LAMA1: variants seen among roughly 807,000 people sequenced by gnomAD.
The protein encoded by LAMA1 is laminin subunit alpha-1.
A neutral mutation model predicts 348.7 loss-of-function variants in LAMA1; 219 were observed. The observed-to-expected ratio is 0.63, with a 90% CI of 0.56 to 0.70. LAMA1 has a LOEUF of 0.70. Ranked by LOEUF, LAMA1 falls within the 30% of genes least tolerant of loss-of-function variation. The pLI, the probability that LAMA1 is intolerant of heterozygous loss-of-function variation, is 0.00. For missense variants in LAMA1, 3,744 were observed against 3,888.0 expected (o/e 0.96, Z 0.99); for synonymous variants, 1,487 against 1,491.0 (o/e 1.00, Z 0.06).
At chr18:6,953,452 C>T (rs943297499) in intron 57 of LAMA1, among the ~76,000 whole-genome samples, 3 of 152,190 alleles carry the variant, frequency 2.0e-5, no homozygotes, top group South Asian at 4.1e-4. Context: ...GATATGCATG[C>T]ATAGGAAAAC....
chr18:7,105,133 TATC>T (rs1257397772), intron 1 of LAMA1, among the ~76,000 whole-genome samples: 1 of 151,976 alleles, frequency 6.6e-6, no homozygotes, highest in Non-Finnish European at 1.5e-5. Context: ...CATAATGAAT[TATC>T]AATTATTAAA....
chr18:7,054,754 C>G (rs2058074916), intron 3 of LAMA1, among the ~76,000 whole-genome samples: 1 of 152,146 alleles, frequency 6.6e-6, no homozygotes. Context: ...TCTTCCTCCT[C>G]CTCCTCAGCC....
intron 28 of LAMA1, among the ~76,000 whole-genome samples, chr18:7,007,860 T>C (rs2057839715): frequency 6.6e-6 from 1 of 152,078 alleles, no homozygotes; most frequent in Admixed American, 6.6e-5. Context: ...TTGAGGACAT[T>C]ATGCTAAGTG....
chr18:6,996,514 T>C (rs534687468), intron 33 of LAMA1, among the ~76,000 whole-genome samples: 1 of 152,310 alleles, frequency 6.6e-6, no homozygotes, highest in East Asian at 1.9e-4. Flanking sequence ...AGCTCATGCC[T>C]ATAATCCCAG....
rs750113296 is a variant in LAMA1 at position 7,037,716 on chromosome 18, C to G, written c.1599G>C (p.Leu533Phe). 1.2e-6 allele frequency: 2 copies of G among 1,614,170 alleles called. No homozygotes were observed. The highest frequency in any genetic ancestry group is 3.3e-5 in the Admixed American group (2 of 60,016). ...NSMSGWLVTD[L>F]ISPRKIPSQQ... ...GAGACGGGATCTTCCTGGGACTGAT[C>G]AAGTCGGTGACCAGCCACCCGGACA... Residue 533 changes from leucine (L) to phenylalanine (F), a missense_variant, in exon 12 of 63, where the codon TTG (leucine) becomes TTC (phenylalanine). Leu to Phe is a conservative substitution (Grantham distance 22). This residue lies in a region of LAMA1 where 1,529 missense variants were observed against 1,689.4 expected (regional missense o/e 0.91). Coordinates refer to ENST00000389658, the MANE Select transcript of LAMA1 (RefSeq NM_005559.4).
At chr18:6,979,117 G>A (rs1054035489) in intron 42 of LAMA1, among the ~76,000 whole-genome samples, 6 of 151,982 alleles carry the variant, frequency 3.9e-5, no homozygotes, top group Non-Finnish European at 7.4e-5. Context: ...TTTTCTGTAG[G>A]CTCGAAATTA....
At chr18:7,052,809 A>C (rs2058067224) in intron 3 of LAMA1, among the ~76,000 whole-genome samples, 1 of 152,116 alleles carries the variant, frequency 6.6e-6, no homozygotes, top group African/African-American at 2.4e-5. Flanking sequence ...TCATGAGGTC[A>C]GGAGATCGAG....
At chr18:6,999,356 G>T in intron 32 of LAMA1, 89 bp downstream of exon 32, 1 of 1,267,506 alleles carries the variant, frequency 7.9e-7, no homozygotes, top group Non-Finnish European at 1.1e-6. Flanking sequence ...TTTTTATTCT[G>T]CAGACACTTT....
In LAMA1 at chr18:6,978,146, C is replaced by T. The variant is rs371543350; in HGVS notation, c.6190+50G>A. ...ACCACTGTGTGCTTAGCTAGCTCCA[C>T]GTCTGCATGACGCAGACGATCATGA... is the stretch of plus-strand genomic sequence containing the variant. On this transcript the variant is annotated intron_variant, in intron 43 of 62. Transcript: ENST00000389658. 82 of 1,608,390 alleles carry T rather than the reference C, an allele frequency of 5.1e-5. No individual in the cohort carries two copies. In the African/African-American group the frequency reaches 6.7e-4, roughly 13 times the overall value.
intron 1 of LAMA1, among the ~76,000 whole-genome samples, chr18:7,113,487 A>G (rs16951265): frequency 0.05 from 7,547 of 152,296 alleles, 577 homozygotes; most frequent in African/African-American, 0.16. Flanking sequence ...ATGTGGAGTG[A>G]AAAGGGCACA....
intron 25 of LAMA1, among the ~76,000 whole-genome samples, chr18:7,010,927 T>C (rs1405592553): frequency 2.0e-5 from 3 of 152,198 alleles, no homozygotes; most frequent in Admixed American, 2.0e-4. Context: ...TTTCAGTCAA[T>C]GACAAACCAC....
chr18:6,979,768 G>T lies in LAMA1; in HGVS notation c.6007+753C>A, dbSNP rs11081293. On this transcript the variant is annotated intron_variant, in intron 42 of 62. Transcript: ENST00000389658. ...CAAAAAATTAGCCGGGGACGGTGGC[G>T]GGCGCCTGTAGTCCCAGCTACTCGG... Among the ~76,000 whole-genome samples the T allele has an allele frequency of 7.3e-5, 11 of 151,470 alleles. No homozygotes were observed. In the South Asian group the frequency reaches 1.3e-3, roughly 17 times the overall value.
intron 1 of LAMA1, among the ~76,000 whole-genome samples, chr18:7,108,100 G>A (rs779337074): frequency 1.3e-5 from 2 of 151,642 alleles, no homozygotes; most frequent in Non-Finnish European, 2.9e-5. Flanking sequence ...CACTTTGGGA[G>A]GCCAAGGCAG....
rs58813825 is a variant in LAMA1, at chr18:7,115,814, C to CAAAACAAA, written c.61+1845_61+1846insTTTGTTTT. Among the ~76,000 whole-genome samples, 19 of 94,816 alleles carry CAAAACAAA rather than the reference C, an allele frequency of 2.0e-4. 1 individual carries two copies. Among genetic ancestry groups the CAAAACAAA allele is most frequent in the East Asian group, 5.3e-4 (1 of 1,886 alleles). 62.2% of individuals were successfully genotyped at this position (94,816 alleles called of 152,430 possible). ...TGAAACCCTGTCTCCACTAAAAATA[C>CAAAACAAA]AAAAAAAAAAAAAAAAAAATAGCCG... On this transcript the variant is annotated intron_variant, in intron 1 of 62. Transcript: ENST00000389658.
chr18:7,027,157 G>A (rs1027840796), intron 16 of LAMA1, among the ~76,000 whole-genome samples: 3 of 152,024 alleles, frequency 2.0e-5, no homozygotes, highest in East Asian at 1.9e-4. Flanking sequence ...GACATAATTG[G>A]GTCAACTGAC....
intron 3 of LAMA1, among the ~76,000 whole-genome samples, chr18:7,061,831 C>T (rs1286040347): frequency 6.6e-6 from 1 of 152,192 alleles, no homozygotes; most frequent in Non-Finnish European, 1.5e-5. Context: ...TGCTTGTGGA[C>T]CCACCCTGGA....
At chr18:6,993,052 T>C (rs1053697608) in intron 35 of LAMA1, among the ~76,000 whole-genome samples, 3 of 152,360 alleles carry the variant, frequency 2.0e-5, no homozygotes, top group East Asian at 1.9e-4. Flanking sequence ...AAATATTTAC[T>C]GCATAAATAA....
chr18:7,098,408 A>G (rs1300862719), intron 1 of LAMA1, among the ~76,000 whole-genome samples: 298 of 141,754 alleles, frequency 2.1e-3, no homozygotes, highest in Admixed American at 3.6e-3. Context: ...AGTGAGGAGC[A>G]CCTCTTCCCG....
chr18:7,106,004 A>G (rs1393267116), intron 1 of LAMA1, among the ~76,000 whole-genome samples: 4 of 152,212 alleles, frequency 2.6e-5, no homozygotes, highest in Non-Finnish European at 5.9e-5. Context: ...GCTTTCCCTG[A>G]GCCACTTCAC....
Sources: gnomAD v4.1 joint callset for allele counts (sites outside exome capture counted in the v4.1 genomes callset) on GRCh38, gnomAD v4.1.1 for gene constraint, gnomAD v4.1.1 regional missense constraint, MANE v1.5 for transcripts, NCBI Gene and HGNC (gene_info 2026-07-23, HGNC 2026-07-21) for gene names.